The following TMEM67 variants were observed in gnomAD, a reference collection of about 807,000 sequenced individuals.
TMEM67 encodes the protein meckelin.
TMEM67 carries 124 observed loss-of-function variants against 136.6 expected under a neutral mutation model. The ratio of observed to expected loss-of-function variants is 0.91; its 90% confidence interval spans 0.78 to 1.05. The LOEUF (loss-of-function observed/expected upper bound fraction) is 1.05. TMEM67 is among the 50% of genes least tolerant of loss of function. The pLI is 0.00. For missense variants in TMEM67, 1,107 were observed against 1,178.4 expected (o/e 0.94, Z 0.89); for synonymous variants, 364 against 390.5 (o/e 0.93, Z 0.80).
intron 15 of TMEM67, among the ~76,000 whole-genome samples, chr8:93,792,965 G>A (rs1250950042): frequency 6.6e-6 from 1 of 151,702 alleles, no homozygotes; most frequent in Non-Finnish European, 1.5e-5. Flanking sequence ...GTAGAGACGG[G>A]TTTCACCGTG....
At chr8:93,782,838 G>A (rs749954259) in intron 11 of TMEM67, among the ~76,000 whole-genome samples, 1 of 151,962 alleles carries the variant, frequency 6.6e-6, no homozygotes, top group Non-Finnish European at 1.5e-5. Context: ...GCCTCCCGAA[G>A]TGCTGAGATT....
intron 27 of TMEM67, 28 bp downstream of exon 27, chr8:93,815,475 T>C: frequency 6.3e-7 from 1 of 1,582,548 alleles, no homozygotes; most frequent in East Asian, 2.2e-5. Flanking sequence ...TTCTACATTT[T>C]CCTTCATTTT....
chr8:93,814,723 G>T (rs1413142801), intron 26 of TMEM67, among the ~76,000 whole-genome samples: 1 of 150,208 alleles, frequency 6.7e-6, no homozygotes, highest in Non-Finnish European at 1.5e-5. Flanking sequence ...CTGGCCTCAA[G>T]CAGTCCTCCT....
At position 93,791,294 on chromosome 8, in the gene TMEM67, A is replaced by G. The variant is rs1350613306; in HGVS notation, c.1550A>G (p.His517Arg). ...TTCTCAGTCACATATGAAATGGATCATGGAGAAGCACATGTCCAGACAGAT... is the reference window on the plus strand; with the variant it reads ...TTCTCAGTCACATATGAAATGGATCGTGGAGAAGCACATGTCCAGACAGAT... The part of the protein sequence containing the change: ...VSFSVTYEMD[H>R]GEAHVQTDIA... Residue 517 changes from histidine (H) to arginine (R), a missense_variant, in exon 15 of 28, where the codon CAT (histidine) becomes CGT (arginine). Physicochemically the swap from His to Arg is conservative, Grantham distance 29. This residue lies in a region of TMEM67 where 925 missense variants were observed against 1,002.4 expected (regional missense o/e 0.92). Coordinates refer to ENST00000453321, the MANE Select transcript of TMEM67 (RefSeq NM_153704.6). The G allele has an allele frequency of 1.2e-6, 2 of 1,606,588 alleles. No homozygotes were observed. Among genetic ancestry groups the G allele is most frequent in the Non-Finnish European group, 1.7e-6 (2 of 1,173,634 alleles).
At chr8:93,772,904 A>G (rs1813388184) in intron 7 of TMEM67, among the ~76,000 whole-genome samples, 1 of 152,138 alleles carries the variant, frequency 6.6e-6, no homozygotes, top group African/African-American at 2.4e-5. Flanking sequence ...CACTTAGTAA[A>G]TGTTTATTGA....
In TMEM67 at chr8:93,792,773, C is replaced by CT. The variant is rs11379711; in HGVS notation, c.1576-410dup. On this transcript the variant is annotated intron_variant, in intron 15 of 27. Coordinates refer to ENST00000453321, the MANE Select transcript of TMEM67 (RefSeq NM_153704.6). ...CTCCAACTTGACTCCTGTGTCCTTT[C>CT]TTTTTTTTTTTTTTTGAGATGGAGT... is the stretch of plus-strand genomic sequence containing the variant. Among the ~76,000 whole-genome samples the CT allele has an allele frequency of 3.0e-3, 413 of 136,096 alleles. 2 individuals are homozygous for CT. Among genetic ancestry groups the CT allele is most frequent in the Middle Eastern group, 0.011 (3 of 264 alleles). The allele number at this position is 136,096 out of a possible 152,430, so 89.3% of individuals were successfully genotyped here.
chr8:93,766,299 C>CT (rs1813080382), intron 6 of TMEM67, among the ~76,000 whole-genome samples: 1 of 151,856 alleles, frequency 6.6e-6, no homozygotes, highest in Non-Finnish European at 1.5e-5. Flanking sequence ...TTTGTATTTT[C>CT]AGTAGAGATG....
chr8:93,799,382 T>A (rs1305256844), intron 20 of TMEM67, among the ~76,000 whole-genome samples: 1 of 152,208 alleles, frequency 6.6e-6, no homozygotes, highest in East Asian at 1.9e-4. Context: ...AAGGTTATAT[T>A]TGGCCCTTAG....
At chr8:93,827,301 T>C in the TMEM67 span, among the ~76,000 whole-genome samples, 617 of 152,318 alleles carry the variant, frequency 4.1e-3, 5 homozygotes, top group African/African-American at 0.011. Context: ...TCTGAATTAT[T>C]ACCTCAAAAT....
At chr8:93,770,740 C>A (rs549476290) in intron 6 of TMEM67, among the ~76,000 whole-genome samples, 1 of 152,104 alleles carries the variant, frequency 6.6e-6, no homozygotes, top group Admixed American at 6.5e-5. Context: ...CTAGGCTGGA[C>A]GCGGTGGCTC....
downstream of TMEM67, among the ~76,000 whole-genome samples, chr8:93,821,314 C>G (rs965080581): frequency 1.3e-5 from 2 of 152,194 alleles, no homozygotes; most frequent in African/African-American, 2.4e-5. Flanking sequence ...CAGGGTCACT[C>G]TCTGTTGCCC....
the TMEM67 span, among the ~76,000 whole-genome samples, chr8:93,830,121 C>T: frequency 6.6e-6 from 1 of 152,178 alleles, no homozygotes; most frequent in African/African-American, 2.4e-5. Flanking sequence ...GATCATATCC[C>T]TTTGTCCAAA....
At chr8:93,776,616 GT>G (rs1180868064) in intron 7 of TMEM67, among the ~76,000 whole-genome samples, 2 of 152,156 alleles carry the variant, frequency 1.3e-5, no homozygotes, top group Non-Finnish European at 2.9e-5. Flanking sequence ...TAATTATGTG[GT>G]TTTTGTCATT....
intron 22 of TMEM67, among the ~76,000 whole-genome samples, chr8:93,804,280 CTTCTTTTCTT>C (rs920218256): frequency 6.2e-5 from 8 of 129,520 alleles, no homozygotes; most frequent in Non-Finnish European, 1.0e-4. Context: ...AACCCTGTTT[CTTCTTTTCTT>C]TTCTTTTCTC....
chr8:93,767,000 T>C (rs770883201), intron 6 of TMEM67, among the ~76,000 whole-genome samples: 2 of 151,562 alleles, frequency 1.3e-5, no homozygotes, highest in Non-Finnish European at 2.9e-5. Context: ...TTTCAAATAA[T>C]TTAAGTTGAA....
intron 13 of TMEM67, among the ~76,000 whole-genome samples, chr8:93,787,114 T>G (rs1267439097): frequency 6.6e-6 from 1 of 152,228 alleles, no homozygotes; most frequent in Admixed American, 6.5e-5. Context: ...TCAGACTTGA[T>G]GTGTTCTTGA....
chr8:93,759,076 C>G (rs1414966695), intron 3 of TMEM67: 1 of 152,248 alleles, frequency 6.6e-6, no homozygotes, highest in Non-Finnish European at 1.5e-5. Flanking sequence ...CAAAAGCCAA[C>G]TTGATACTTA....
intron 10 of TMEM67, 95 bp downstream of exon 10, chr8:93,781,839 G>C: frequency 6.3e-6 from 4 of 634,426 alleles, no homozygotes; most frequent in Non-Finnish European, 1.1e-5. Context: ...TAAAGCATCA[G>C]TTACATACTA....
downstream of TMEM67, among the ~76,000 whole-genome samples, chr8:93,820,241 G>A (rs568934932): frequency 5.3e-5 from 8 of 152,246 alleles, no homozygotes; most frequent in African/African-American, 1.9e-4. Context: ...GTGAGTGTAA[G>A]AAACTTTCCT....
Sources: allele counts gnomAD v4.1 joint callset (sites outside exome capture counted in the v4.1 genomes callset), GRCh38; gene constraint gnomAD v4.1.1; regional missense constraint gnomAD v4.1.1; transcripts MANE v1.5; gene names NCBI Gene and HGNC (gene_info 2026-07-23, HGNC 2026-07-21).